SGPL1: variants seen among roughly 807,000 people sequenced by gnomAD.
The protein encoded by SGPL1 is SP-lyase 1.
Under a neutral mutation model 68.9 loss-of-function variants are expected in SGPL1, and 37 were observed. The observed-to-expected ratio is 0.54, with a 90% CI of 0.41 to 0.71. The LOEUF (loss-of-function observed/expected upper bound fraction) is 0.71, where lower values mean the gene tolerates loss of function less well. SGPL1 is among the 30% of genes least tolerant of loss of function. SGPL1 has a pLI of 0.00. For missense variants in SGPL1, 551 were observed against 704.6 expected (o/e 0.78, Z 2.47); for synonymous variants, 236 against 248.5 (o/e 0.95, Z 0.47).
Position 70,844,618 on chromosome 10 carries a change from A to G in SGPL1, c.173A>G (p.Glu58Gly). 1 of 1,614,030 alleles carries G rather than the reference A, an allele frequency of 6.2e-7. No individual in the cohort carries two copies. Among genetic ancestry groups the G allele is most frequent in the African/African-American group, 1.3e-5 (1 of 75,018 alleles). Residue 58 changes from glutamate (E) to glycine (G), a missense_variant, in exon 3 of 15, where the codon GAG (glutamate) becomes GGG (glycine). Physicochemically the swap from Glu to Gly is moderately conservative, Grantham distance 98 (BLOSUM62 -2). Transcript: ENST00000373202. ...ACCCTGCTGATAGTCTGGGGATATGAGTTTGTCTTCCAGCCAGAGAGTAAG... is the reference window on the plus strand; with the variant it reads ...ACCCTGCTGATAGTCTGGGGATATGGGTTTGTCTTCCAGCCAGAGAGTAAG... The part of the protein sequence containing the change: ...VWTLLIVWGY[E>G]FVFQPESLWS...
chr10:70,870,794 CA>C (rs1342246647), intron 9 of SGPL1, among the ~76,000 whole-genome samples: 1 of 152,106 alleles, frequency 6.6e-6, no homozygotes, highest in Non-Finnish European at 1.5e-5. Flanking sequence ...CCTCTTAGCT[CA>C]ATATTATTTT....
chr10:70,866,662 T>A (rs1471956947), intron 7 of SGPL1: 1 of 152,200 alleles, frequency 6.6e-6, no homozygotes, highest in East Asian at 1.9e-4. Flanking sequence ...GGTTTTATGC[T>A]AAACCACAGG....
chr10:70,833,682 G>T (rs780474172), intron 2 of SGPL1, among the ~76,000 whole-genome samples: 54 of 152,246 alleles, frequency 3.5e-4, no homozygotes, highest in Non-Finnish European at 3.2e-4. Flanking sequence ...GGCAGAAGCT[G>T]ATAAGAATAA....
At chr10:70,856,642 C>T (rs1442673207) in intron 5 of SGPL1, among the ~76,000 whole-genome samples, 1 of 152,136 alleles carries the variant, frequency 6.6e-6, no homozygotes, top group Non-Finnish European at 1.5e-5. Flanking sequence ...GGGCAGCAAG[C>T]CAGAGCTTGG....
chr10:70,827,225 TA>T (rs1266682511), intron 2 of SGPL1, among the ~76,000 whole-genome samples: 2 of 152,252 alleles, frequency 1.3e-5, no homozygotes, highest in Non-Finnish European at 2.9e-5. Flanking sequence ...GGTAAGCAGA[TA>T]AATGTAATTG....
Position 70,849,208 on chromosome 10 carries a change from C to T in SGPL1, c.194-1935C>T, listed in dbSNP as rs539935614. Among the ~76,000 whole-genome samples the T allele has an allele frequency of 4.9e-4, 75 of 152,282 alleles. No individual in the cohort carries two copies. In the South Asian group the frequency reaches 0.015, roughly 31 times the overall value. ...AGACTTCTTTTTACCTCATTAATTACTTCATCAAATAAGGAAGCATTTCTG... is the reference window on the plus strand; with the variant it reads ...AGACTTCTTTTTACCTCATTAATTATTTCATCAAATAAGGAAGCATTTCTG... On this transcript the variant is annotated intron_variant, in intron 3 of 14. Coordinates refer to ENST00000373202, the MANE Select transcript of SGPL1 (RefSeq NM_003901.4).
chr10:70,859,645 C>T (rs1349879464), intron 7 of SGPL1, 146 bp downstream of exon 7: 2 of 255,836 alleles, frequency 7.8e-6, no homozygotes, highest in African/African-American at 4.6e-5. Context: ...GTAGAAAGGT[C>T]ATTTTACTAC....
chr10:70,858,226 C>G (rs191067183), intron 6 of SGPL1, among the ~76,000 whole-genome samples: 5 of 152,168 alleles, frequency 3.3e-5, no homozygotes, highest in Admixed American at 6.5e-5. Flanking sequence ...GCCTTGACCT[C>G]TTTGGCTCAA....
At chr10:70,863,681 GGTA>G (rs1589469966) in intron 7 of SGPL1, among the ~76,000 whole-genome samples, 2 of 152,248 alleles carry the variant, frequency 1.3e-5, no homozygotes, top group East Asian at 3.9e-4. Flanking sequence ...GTACCACAGA[GGTA>G]GTGTGAATTC....
chr10:70,859,242 A>C, intron 6 of SGPL1, 129 bp from the exon 7 acceptor site: 1 of 512,142 alleles, frequency 2.0e-6, no homozygotes. Flanking sequence ...TGGTTGAGGA[A>C]TATATCTTAT....
chr10:70,870,958 T>G (rs1465535930), intron 9 of SGPL1, 90 bp from the exon 10 acceptor site: 8 of 1,075,292 alleles, frequency 7.4e-6, no homozygotes, highest in Non-Finnish European at 1.1e-5. Flanking sequence ...ACTGGAACTC[T>G]AAGCTAGCAG....
intron 7 of SGPL1, among the ~76,000 whole-genome samples, chr10:70,865,424 G>A (rs1019582763): frequency 6.6e-6 from 1 of 151,848 alleles, no homozygotes; most frequent in Non-Finnish European, 1.5e-5. Context: ...TCTTCAGCAC[G>A]TGTGAGGGAT....
At chr10:70,826,887 A>G (rs1359120706) in intron 2 of SGPL1, among the ~76,000 whole-genome samples, 6 of 152,142 alleles carry the variant, frequency 3.9e-5, no homozygotes, top group Admixed American at 3.9e-4. Flanking sequence ...CTGTATATAT[A>G]GTATTTTATT....
intron 13 of SGPL1, among the ~76,000 whole-genome samples, chr10:70,876,334 A>C (rs1846384298): frequency 6.6e-6 from 1 of 152,186 alleles, no homozygotes; most frequent in African/African-American, 2.4e-5. Flanking sequence ...GTTCTCAGTC[A>C]TGCCGAGAAG....
intron 7 of SGPL1, among the ~76,000 whole-genome samples, chr10:70,864,872 A>G (rs1472001677): frequency 6.6e-6 from 1 of 152,210 alleles, no homozygotes; most frequent in African/African-American, 2.4e-5. Flanking sequence ...AACCAGGTCT[A>G]TTCTGAGATT....
intron 6 of SGPL1, among the ~76,000 whole-genome samples, 176 bp downstream of exon 6, chr10:70,857,866 G>A (rs1186499788): frequency 6.6e-6 from 1 of 152,148 alleles, no homozygotes; most frequent in African/African-American, 2.4e-5. Flanking sequence ...TATTATCAAA[G>A]ACATCTTCAG....
rs1339857357 is a variant in SGPL1 at position 70,873,364 on chromosome 10, CAAAAGG to C, written c.1074_1079del (p.Lys359_Gly360del). ...CTTCTTCCACAGTATGGCTATGCCCCAAAAGGCTCATCATTGGTGTTGTATAGTGAC... is the reference window on the plus strand; with the variant it reads ...CTTCTTCCACAGTATGGCTATGCCCCCTCATCATTGGTGTTGTATAGTGAC... On this transcript the variant is annotated inframe_deletion, in exon 12 of 15. Transcript: ENST00000373202. The C allele has an allele frequency of 1.3e-5, 21 of 1,613,782 alleles. No individual in the cohort carries two copies. Among genetic ancestry groups the C allele is most frequent in the Non-Finnish European group, 1.6e-5 (19 of 1,179,754 alleles).
chr10:70,817,157 T>C (rs41307532), intron 2 of SGPL1, among the ~76,000 whole-genome samples: 4,555 of 152,218 alleles, frequency 0.03, 92 homozygotes, highest in Middle Eastern at 0.12. Context: ...GTAGCTGGGA[T>C]TACAGGCGCA....
chr10:70,860,745 A>G (rs548494687), intron 7 of SGPL1, among the ~76,000 whole-genome samples: 11 of 152,318 alleles, frequency 7.2e-5, no homozygotes, highest in Admixed American at 6.5e-4. Flanking sequence ...TGCTACTAGG[A>G]CATACTCTAG....
Sources: allele counts gnomAD v4.1 joint callset (sites outside exome capture counted in the v4.1 genomes callset), GRCh38; gene constraint gnomAD v4.1.1; transcripts MANE v1.5; gene names NCBI Gene and HGNC (gene_info 2026-07-23, HGNC 2026-07-21).